The following CRISPLD1 variants were observed in gnomAD, a reference collection of about 807,000 sequenced individuals.
CRISPLD1 encodes the protein cysteine-rich secretory protein LCCL domain-containing 1.
CRISPLD1 carries 60 observed loss-of-function variants against 77.5 expected under a neutral mutation model. The ratio of observed to expected loss-of-function variants is 0.77; its 90% CI spans 0.63 to 0.96. The LOEUF is 0.96. CRISPLD1 is among the 40% of genes least tolerant of loss of function. CRISPLD1 has a pLI of 0.00. For synonymous variants in CRISPLD1, 195 were observed against 200.1 expected, an observed-to-expected ratio of 0.97 and a Z score of 0.22; for missense variants, 623 against 615.8, an observed-to-expected ratio of 1.01 and a Z score of -0.12.
rs964885633 is a variant in CRISPLD1, at chr8:74,984,512, C to T, written c.-471C>T. 2.0e-5 allele frequency: 3 copies of T among 152,408 alleles called. No homozygotes were observed. The highest frequency in any genetic ancestry group is 3.4e-3 in the Middle Eastern group (1 of 294). 9.4% of individuals were successfully genotyped at this position (152,408 alleles called of 1,614,324 possible). On this transcript the variant is annotated 5_prime_UTR_variant, in exon 1 of 15. Transcript: ENST00000262207. ...CGAACGCGAGAGAGCGACGGAAGCG[C>T]TAGGCGCCTGGTTCTGCGCGTACTG...
chr8:75,030,409 A>G (rs763464830), intron 14 of CRISPLD1, among the ~76,000 whole-genome samples: 1 of 152,118 alleles, frequency 6.6e-6, no homozygotes, highest in Non-Finnish European at 1.5e-5. Context: ...GCCTCCTTAA[A>G]CAGAATAATA....
intron 2 of CRISPLD1, among the ~76,000 whole-genome samples, chr8:75,001,091 G>A (rs1044875824): frequency 1.3e-5 from 2 of 151,826 alleles, no homozygotes; most frequent in Non-Finnish European, 2.9e-5. Flanking sequence ...ATAAAATTAT[G>A]TAAAACATAA....
At chr8:75,014,131 G>A (rs1359945514) in intron 5 of CRISPLD1, 29 bp downstream of exon 5, 1 of 1,382,584 alleles carries the variant, frequency 7.2e-7, no homozygotes, top group Non-Finnish European at 1.0e-6. Context: ...ACGTTCAGAT[G>A]TACATTTTTC....
At chr8:75,013,581 A>G (rs576540230) in intron 4 of CRISPLD1, among the ~76,000 whole-genome samples, 1 of 152,258 alleles carries the variant, frequency 6.6e-6, no homozygotes, top group Non-Finnish European at 1.5e-5. Flanking sequence ...TGGCATGATG[A>G]AAAGATCATG....
intron 2 of CRISPLD1, among the ~76,000 whole-genome samples, chr8:74,986,614 T>A (rs1812502256): frequency 6.6e-6 from 1 of 152,182 alleles, no homozygotes; most frequent in South Asian, 2.1e-4. Context: ...ATCTGAAAAA[T>A]TCAGACTAAT....
intron 12 of CRISPLD1, among the ~76,000 whole-genome samples, chr8:75,020,982 A>G (rs1403902128): frequency 6.6e-6 from 1 of 152,210 alleles, no homozygotes; most frequent in East Asian, 1.9e-4. Flanking sequence ...GCTAGGAAAA[A>G]TAAAGTATGT....
chr8:75,001,091 G>C (rs1044875824), intron 2 of CRISPLD1, among the ~76,000 whole-genome samples: 10 of 151,826 alleles, frequency 6.6e-5, no homozygotes, highest in Admixed American at 6.6e-4. Context: ...ATAAAATTAT[G>C]TAAAACATAA....
chr8:75,020,556 G>T (rs1813116214), intron 12 of CRISPLD1, among the ~76,000 whole-genome samples: 1 of 152,148 alleles, frequency 6.6e-6, no homozygotes, highest in South Asian at 2.1e-4. Context: ...ATCCCTTCTT[G>T]TAAGGACACT....
intron 10 of CRISPLD1, among the ~76,000 whole-genome samples, 176 bp from the exon 11 acceptor site, chr8:75,019,694 G>C (rs1813098737): frequency 6.6e-6 from 1 of 152,090 alleles, no homozygotes; most frequent in African/African-American, 2.4e-5. Context: ...GTTAATACCT[G>C]ATGGTAATAT....
rs1440151310 is a variant in CRISPLD1, at chr8:75,033,517, AAG to A, written c.*1283_*1284del. The A allele has an allele frequency of 7.9e-5, 12 of 151,990 alleles. No homozygotes were observed. Among genetic ancestry groups the A allele is most frequent in the Non-Finnish European group, 4.4e-5 (3 of 67,882 alleles). 9.4% of individuals were successfully genotyped at this position (151,990 alleles called of 1,614,324 possible). A position where few individuals can be genotyped will look rare whatever the true frequency, so the allele number is the denominator to read the frequency against. ...AACACAGCAAGGGAGATTTTGAATA[AAG>A]AGAGAGATGAATTTATAAAGTAGGA... On this transcript the variant is annotated 3_prime_UTR_variant, in exon 15 of 15. Transcript: ENST00000262207.
At position 75,025,608 on chromosome 8, in the gene CRISPLD1, G is replaced by A. The variant is rs986082731; in HGVS notation, c.1307G>A (p.Arg436Gln). The change falls in exon 13 of 15, where the codon CGA becomes CAA. Residue 436 changes from arginine to glutamine, a missense_variant. Arg to Gln is a conservative substitution (Grantham distance 43, BLOSUM62 1). Transcript: ENST00000262207. ...NPHYARVIGT[R>Q]VYSDLSSICR... Reference sequence around the variant, plus strand: ...CATTATGCTCGTGTAATTGGAACTCGAGTTTATTCTGATGTAAGTATCCTA... The same window carrying A: ...CATTATGCTCGTGTAATTGGAACTCAAGTTTATTCTGATGTAAGTATCCTA... 1.1e-5 allele frequency: 18 copies of A among 1,570,442 alleles called. No individual in the cohort carries two copies. Among genetic ancestry groups the A allele is most frequent in the African/African-American group, 5.4e-5 (4 of 73,938 alleles).
intron 2 of CRISPLD1, 109 bp downstream of exon 2, chr8:74,986,354 A>C (rs1000590502): frequency 8.4e-7 from 1 of 1,190,300 alleles, no homozygotes; most frequent in Non-Finnish European, 1.2e-6. Flanking sequence ...AGTTGAAAAA[A>C]GATTTTCTTT....
At chr8:75,008,234 G>T (rs1279968635) in intron 2 of CRISPLD1, among the ~76,000 whole-genome samples, 1 of 152,092 alleles carries the variant, frequency 6.6e-6, no homozygotes, top group Non-Finnish European at 1.5e-5. Flanking sequence ...TATAGAAATG[G>T]GTACCCAAGT....
intron 2 of CRISPLD1, 150 bp from the exon 3 acceptor site, chr8:75,012,283 T>G (rs1812945025): frequency 8.1e-6 from 5 of 615,998 alleles, no homozygotes; most frequent in Non-Finnish European, 1.5e-5. Flanking sequence ...TGCAAAAACT[T>G]AGATGACTTT....
chr8:74,986,933 A>G (rs1414665914), intron 2 of CRISPLD1, among the ~76,000 whole-genome samples: 1 of 152,212 alleles, frequency 6.6e-6, no homozygotes, highest in East Asian at 1.9e-4. Flanking sequence ...ACTCATGAGT[A>G]TACTGCCATT....
intron 12 of CRISPLD1, among the ~76,000 whole-genome samples, chr8:75,020,541 C>A (rs910565257): frequency 7.2e-5 from 11 of 152,210 alleles, no homozygotes; most frequent in African/African-American, 2.7e-4. Context: ...AGCTCACTCT[C>A]TTACATCCCT....
intron 13 of CRISPLD1, 58 bp downstream of exon 13, chr8:75,025,679 C>T: frequency 1.1e-6 from 1 of 906,668 alleles, no homozygotes; most frequent in South Asian, 1.4e-5. Flanking sequence ...AATGTATAGA[C>T]ACATTTAAAT....
chr8:75,000,041 C>G (rs1812712252), intron 2 of CRISPLD1: 1 of 612,914 alleles, frequency 1.6e-6, no homozygotes, highest in Non-Finnish European at 2.0e-6. Context: ...AAGGCAGCAA[C>G]TAGATACAAG....
At chr8:75,005,867 A>G (rs907142896) in intron 2 of CRISPLD1, among the ~76,000 whole-genome samples, 18 of 152,172 alleles carry the variant, frequency 1.2e-4, no homozygotes, top group Admixed American at 2.6e-4. Context: ...TGCCTTTGCA[A>G]TGCCACCATA....
Sources: gnomAD v4.1 joint callset for allele counts (sites outside exome capture counted in the v4.1 genomes callset) on GRCh38, gnomAD v4.1.1 for gene constraint, MANE v1.5 for transcripts, NCBI Gene and HGNC (gene_info 2026-07-23, HGNC 2026-07-21) for gene names.